WDFY3: variants seen among roughly 807,000 people sequenced by gnomAD.
The protein encoded by WDFY3 is WD repeat and FYVE domain-containing protein 3.
A neutral mutation model predicts 409.6 loss-of-function variants in WDFY3; 66 were observed. The observed-to-expected ratio is 0.16, with a 90% CI of 0.13 to 0.20. The LOEUF (loss-of-function observed/expected upper bound fraction) is 0.20, where lower values mean the gene tolerates loss of function less well. WDFY3 is among the 10% of genes least tolerant of loss of function. WDFY3 has a pLI of 1.00. For missense variants in WDFY3, 3,031 were observed against 4,298.1 expected (o/e 0.71, Z 8.24); for synonymous variants, 1,521 against 1,537.1 (o/e 0.99, Z 0.25).
chr4:84,795,169 A>T (rs868746917), intron 19 of WDFY3, among the ~76,000 whole-genome samples, 190 bp from the exon 20 acceptor site: 2 of 152,188 alleles, frequency 1.3e-5, no homozygotes, highest in East Asian at 3.9e-4. Context: ...ACATAATTTT[A>T]AAATCTCCCA....
chr4:84,703,185 T>C (rs780291622), intron 55 of WDFY3, among the ~76,000 whole-genome samples: 1 of 152,176 alleles, frequency 6.6e-6, no homozygotes, highest in Non-Finnish European at 1.5e-5. Context: ...GTAAATCATC[T>C]ACAGTTGGAA....
chr4:84,681,078 G>A (rs934986594), intron 64 of WDFY3, among the ~76,000 whole-genome samples: 7 of 152,118 alleles, frequency 4.6e-5, no homozygotes, highest in African/African-American at 7.2e-5. Context: ...CTTTGGAAGC[G>A]GCTTTAATTT....
chr4:84,827,180 A>G (rs1754986973), intron 9 of WDFY3, among the ~76,000 whole-genome samples, 199 bp from the exon 10 acceptor site: 1 of 151,632 alleles, frequency 6.6e-6, no homozygotes, highest in Non-Finnish European at 1.5e-5. Flanking sequence ...TGCAACAAAT[A>G]CCCTTTAAAA....
At chr4:84,945,330 T>TA (rs1772678785) in intron 1 of WDFY3, among the ~76,000 whole-genome samples, 1 of 152,220 alleles carries the variant, frequency 6.6e-6, no homozygotes, top group Non-Finnish European at 1.5e-5. Context: ...TCTTAGCAGG[T>TA]AAATTATAAC....
At chr4:84,709,875 C>T (rs751164313) in intron 51 of WDFY3, among the ~76,000 whole-genome samples, 3 of 152,124 alleles carry the variant, frequency 2.0e-5, no homozygotes, top group Non-Finnish European at 2.9e-5. Context: ...TACATGCACT[C>T]GCCACCACGC....
Position 84,817,471 on chromosome 4 carries a change from TCCCCATTTGGGGAGAGCA to T in WDFY3, c.1790_1807del (p.Val597_Gly602del). The T allele has an allele frequency of 6.2e-7, 1 of 1,613,770 alleles. No individual in the cohort carries two copies. On this transcript the variant is annotated inframe_deletion, in exon 13 of 68. Transcript: ENST00000295888. ...CCCCAGGAGAGTGCCCATGTCATCG[TCCCCATTTGGGGAGAGCA>T]CCAGCTGTTGGATAGTCATCAAGGC...
At chr4:84,881,185 C>G (rs907242078) in intron 3 of WDFY3, among the ~76,000 whole-genome samples, 1 of 152,124 alleles carries the variant, frequency 6.6e-6, no homozygotes, top group Non-Finnish European at 1.5e-5. Flanking sequence ...ACATCACATA[C>G]TTTTATTTTA....
intron 13 of WDFY3, 45 bp from the exon 14 acceptor site, chr4:84,810,389 A>AC: frequency 2.7e-6 from 1 of 368,656 alleles, no homozygotes; most frequent in Non-Finnish European, 3.8e-6. Context: ...CACATAATTC[A>AC]AAAAAAAAAA....
At chr4:84,866,269 T>C (rs1761382214) in intron 3 of WDFY3, among the ~76,000 whole-genome samples, 2 of 152,114 alleles carry the variant, frequency 1.3e-5, no homozygotes, top group African/African-American at 4.8e-5. Flanking sequence ...AGACAGGGCA[T>C]CTAAGGCCAA....
intron 5 of WDFY3, among the ~76,000 whole-genome samples, chr4:84,843,852 T>C (rs1296108658): frequency 1.3e-5 from 2 of 152,158 alleles, no homozygotes; most frequent in Non-Finnish European, 2.9e-5. Flanking sequence ...GGGTAAAAAA[T>C]GCCCACTACT....
intron 34 of WDFY3, among the ~76,000 whole-genome samples, 162 bp from the exon 35 acceptor site, chr4:84,754,038 G>A (rs988169770): frequency 9.2e-5 from 14 of 152,122 alleles, no homozygotes; most frequent in Admixed American, 6.5e-4. Context: ...ATACACACAT[G>A]CAAAGAAATT....
chr4:84,939,874 T>C (rs1327577342), intron 1 of WDFY3, among the ~76,000 whole-genome samples: 1 of 152,152 alleles, frequency 6.6e-6, no homozygotes, highest in Non-Finnish European at 1.5e-5. Context: ...TTCCAAGAAT[T>C]TGGAGTTAGG....
intron 1 of WDFY3, among the ~76,000 whole-genome samples, chr4:84,964,835 T>C (rs1425559452): frequency 2.0e-5 from 3 of 152,180 alleles, no homozygotes; most frequent in South Asian, 2.1e-4. Context: ...AGCATACATA[T>C]ATTTCAGATG....
At chr4:84,830,855 T>C (rs1395103347) in intron 8 of WDFY3, among the ~76,000 whole-genome samples, 1 of 152,180 alleles carries the variant, frequency 6.6e-6, no homozygotes, top group Non-Finnish European at 1.5e-5. Context: ...ACATTATGAT[T>C]GAATTTACAC....
chr4:84,733,646 A>T lies in WDFY3; in HGVS notation c.6994-37T>A, dbSNP rs773365828. The T allele has an allele frequency of 1.7e-5, 27 of 1,567,324 alleles. No homozygotes were observed. In the South Asian group the frequency reaches 2.9e-4, roughly 17 times the overall value. On this transcript the variant is annotated intron_variant, in intron 43 of 67. Transcript: ENST00000295888. ...GAGTCCAGGTCGGTTTTCAAGCAAA[A>T]GCAGGAGTAACAGTAACAAGTCTAC... is the stretch of plus-strand genomic sequence containing the variant.
intron 32 of WDFY3, among the ~76,000 whole-genome samples, chr4:84,759,154 T>C (rs1294343824): frequency 1.3e-5 from 2 of 152,206 alleles, no homozygotes; most frequent in Admixed American, 6.5e-5. Context: ...TTCTGTTCCA[T>C]TGATCTATAT....
intron 4 of WDFY3, among the ~76,000 whole-genome samples, chr4:84,860,019 A>G (rs1760373712): frequency 6.6e-6 from 1 of 152,228 alleles, no homozygotes; most frequent in South Asian, 2.1e-4. Context: ...AATTGTAATG[A>G]CTTTTTAAAG....
At chr4:84,696,858 G>A in intron 56 of WDFY3, 35 bp from the exon 57 acceptor site, 4 of 1,537,318 alleles carry the variant, frequency 2.6e-6, no homozygotes, top group Non-Finnish European at 3.6e-6. Flanking sequence ...TAAAAAAAAA[G>A]AAAGAATGGG....
At chr4:84,868,120 C>G (rs370771829) in intron 3 of WDFY3, among the ~76,000 whole-genome samples, 1 of 124,960 alleles carries the variant, frequency 8.0e-6, no homozygotes, top group Non-Finnish European at 1.6e-5. Flanking sequence ...TTAAGTGAGC[C>G]GAGATCATGC....
Sources: allele counts gnomAD v4.1 joint callset (sites outside exome capture counted in the v4.1 genomes callset), GRCh38; gene constraint gnomAD v4.1.1; transcripts MANE v1.5; gene names NCBI Gene and HGNC (gene_info 2026-07-23, HGNC 2026-07-21).